RMND5B: variants seen among roughly 807,000 people sequenced by gnomAD.
RMND5B encodes the protein E3 ubiquitin-protein transferase RMND5B.
Under a neutral mutation model 50.4 loss-of-function variants are expected in RMND5B, and 42 were observed. The observed-to-expected ratio is 0.83, with a 90% CI of 0.65 to 1.08. RMND5B has a LOEUF of 1.08. RMND5B is among the 50% of genes least tolerant of loss of function. RMND5B has a pLI of 0.00. For missense variants in RMND5B, 463 were observed against 508.5 expected (o/e 0.91, Z 0.86); for synonymous variants, 220 against 210.0 (o/e 1.05, Z -0.41).
chr5:178,141,479 T>A (rs570210490), intron 3 of RMND5B: 1 of 152,108 alleles, frequency 6.6e-6, no homozygotes, highest in Non-Finnish European at 1.5e-5. Context: ...CACTCCAGCC[T>A]GGGTGACAGA....
At chr5:178,143,879 G>C in intron 6 of RMND5B, 63 bp from the exon 7 acceptor site, 1 of 1,583,936 alleles carries the variant, frequency 6.3e-7, no homozygotes, top group East Asian at 2.2e-5. Flanking sequence ...CCTCCTCTCA[G>C]GTGCTGGCTC....
At chr5:178,135,322 C>T in intron 2 of RMND5B, 1 of 198,260 alleles carries the variant, frequency 5.0e-6, no homozygotes, top group South Asian at 5.4e-5. Flanking sequence ...GGTAAATTTG[C>T]CGTGTTGCCC....
rs1024423975 is a variant in RMND5B, at chr5:178,148,216, G to A, written c.*184G>A. On this transcript the variant is annotated 3_prime_UTR_variant, in exon 11 of 11. Transcript: ENST00000313386. ...TGAGGAGGGAGATGGACCAGCCCAC[G>A]CCTGGCACCTGGCTCCATGGCATAA... 6.4e-6 allele frequency: 4 copies of A among 625,308 alleles called. No individual in the cohort carries two copies. Among genetic ancestry groups the A allele is most frequent in the Non-Finnish European group, 1.1e-5 (4 of 352,136 alleles). The allele number at this position is 625,308 out of a possible 1,614,324, so 38.7% of individuals were successfully genotyped here.
intron 2 of RMND5B, chr5:178,133,659 A>C (rs1455783340): frequency 6.6e-6 from 1 of 151,342 alleles, no homozygotes; most frequent in Non-Finnish European, 1.5e-5. Flanking sequence ...CACCCACCTC[A>C]GCCTCCCAAA....
Position 178,149,881 on chromosome 5 carries a change from A to G in RMND5B, c.*1849A>G. 1 of 1,607,486 alleles carries G rather than the reference A, an allele frequency of 6.2e-7. No individual in the cohort carries two copies. The highest frequency in any genetic ancestry group is 1.3e-5 in the African/African-American group (1 of 74,910). Reference sequence around the variant, plus strand: ...GTGCTGTTTGGAAAAAAGCTGTACAACCTGTATGCCAGGAAGTCACCAACT... The same window carrying G: ...GTGCTGTTTGGAAAAAAGCTGTACAGCCTGTATGCCAGGAAGTCACCAACT... On this transcript the variant is annotated 3_prime_UTR_variant, in exon 11 of 11. Transcript: ENST00000313386.
At chr5:178,140,287 C>T (rs1387949026) in intron 3 of RMND5B, among the ~76,000 whole-genome samples, 2 of 152,068 alleles carry the variant, frequency 1.3e-5, no homozygotes, top group Admixed American at 6.6e-5. Flanking sequence ...GATCCTACCA[C>T]CTCAGCCTCA....
chr5:178,141,787 C>G (rs1423526760), intron 3 of RMND5B: 1 of 152,122 alleles, frequency 6.6e-6, no homozygotes, highest in East Asian at 1.9e-4. Context: ...TCACCACTAT[C>G]TAATTTCAGA....
intron 2 of RMND5B, among the ~76,000 whole-genome samples, chr5:178,131,644 GTATTAGA>G (rs1758315142): frequency 6.6e-6 from 1 of 151,798 alleles, no homozygotes; most frequent in Non-Finnish European, 1.5e-5. Flanking sequence ...GGAGGGGTCA[GTATTAGA>G]TACTGTGGTC....
intron 7 of RMND5B, among the ~76,000 whole-genome samples, chr5:178,145,340 GCCGGGCGTGGTGGCGGGCAC>G (rs1175995930): frequency 6.6e-6 from 1 of 151,448 alleles, no homozygotes; most frequent in African/African-American, 2.4e-5. Context: ...TGAAAAATTA[GCCGGGCGTGGTGGCGGGCAC>G]CTGTAGTCCC....
chr5:178,139,398 G>A (rs1200475575), intron 3 of RMND5B, among the ~76,000 whole-genome samples: 3 of 151,854 alleles, frequency 2.0e-5, no homozygotes, highest in Non-Finnish European at 4.4e-5. Flanking sequence ...GTACAGGTGG[G>A]GTTTTGACAT....
In RMND5B at chr5:178,142,877, T is replaced by G. The variant is rs778508227; in HGVS notation, c.311T>G (p.Val104Gly). 5.1e-5 allele frequency: 83 copies of G among 1,614,202 alleles called. No individual in the cohort carries two copies. The highest frequency in any genetic ancestry group is 2.9e-4 in the East Asian group (13 of 44,886). ...AACTTCGACTCTGAGATCTGTGGTG[T>G]TGTGTCAGATGCGGTGTGGGACGCG... is the stretch of plus-strand genomic sequence containing the variant. ...DRNFDSEICG[V>G]VSDAVWDARE... Residue 104 changes from valine to glycine, a missense_variant, in exon 5 of 11, where the codon GTT becomes GGT. Val to Gly is a moderately radical substitution (Grantham distance 109, BLOSUM62 -3). Transcript: ENST00000313386.
At position 178,146,225 on chromosome 5, in the gene RMND5B, C is replaced by T. The variant is rs1406109620; in HGVS notation, c.806C>T (p.Thr269Ile). The change falls in exon 8 of 11, where the codon ACC (threonine) becomes ATC (isoleucine). Residue 269 changes from threonine to isoleucine, a missense_variant. Physicochemically the swap from Thr to Ile is moderately conservative, Grantham distance 89. Coordinates refer to ENST00000313386, the MANE Select transcript of RMND5B (RefSeq NM_022762.5). ...TGGGCAGAGATCTGTGAGACCTTTA[C>T]CCGGGACGCCTGTTCCCTGCTGGGG... ...SHWAEICETF[T>I]RDACSLLGLS... is the part of the protein sequence containing the mutation. 1 of 1,614,088 alleles carries T rather than the reference C, an allele frequency of 6.2e-7. No homozygotes were observed. Among genetic ancestry groups the T allele is most frequent in the African/African-American group, 1.3e-5 (1 of 74,950 alleles).
chr5:178,135,626 C>T (rs1404628178), intron 2 of RMND5B, among the ~76,000 whole-genome samples: 1 of 152,160 alleles, frequency 6.6e-6, no homozygotes, highest in African/African-American at 2.4e-5. Context: ...AGATTGTTTC[C>T]CACTCCTTGC....
At chr5:178,146,927 A>G (rs556714728) in intron 8 of RMND5B, 10 of 158,994 alleles carry the variant, frequency 6.3e-5, no homozygotes, top group Non-Finnish European at 1.3e-4. Context: ...TAGTGGACTG[A>G]TTCTACGCTC....
rs748645168 is a variant in RMND5B, at chr5:178,142,858, G to C, written c.292G>C (p.Asp98His). 2 of 1,614,172 alleles carry C rather than the reference G, an allele frequency of 1.2e-6. No individual in the cohort carries two copies. The highest frequency in any genetic ancestry group is 1.1e-5 in the South Asian group (1 of 91,060). Residue 98 changes from aspartate to histidine, a missense_variant, in exon 5 of 11, where the codon GAC (aspartate) becomes CAC (histidine). Transcript: ENST00000313386. ...RVGKAIDRNF[D>H]SEICGVVSDA... ...GTCTCTCCTCCTTCGTCAGAACTTC[G>C]ACTCTGAGATCTGTGGTGTTGTGTC...
In RMND5B at chr5:178,150,177, A is replaced by G; in HGVS notation, c.*2145A>G. ...ACAGCTACAGGTCCCTCTGAGCCTAAACCCACCTAACCGGACTAACATGGG... is the reference window on the plus strand; with the variant it reads ...ACAGCTACAGGTCCCTCTGAGCCTAGACCCACCTAACCGGACTAACATGGG... On this transcript the variant is annotated 3_prime_UTR_variant, in exon 11 of 11. Coordinates refer to ENST00000313386, the MANE Select transcript of RMND5B (RefSeq NM_022762.5). 1 of 247,286 alleles carries G rather than the reference A, an allele frequency of 4.0e-6. No individual in the cohort carries two copies. The highest frequency in any genetic ancestry group is 8.0e-6 in the Non-Finnish European group (1 of 125,310). The allele number at this position is 247,286 out of a possible 1,614,324, so 15.3% of individuals were successfully genotyped here. A position where few individuals can be genotyped will look rare whatever the true frequency, so the allele number is the denominator to read the frequency against.
At chr5:178,147,489 C>A in intron 8 of RMND5B, 44 bp from the exon 9 acceptor site, 1 of 1,545,044 alleles carries the variant, frequency 6.5e-7, no homozygotes, top group Non-Finnish European at 8.9e-7. Context: ...TTTTGCCTGT[C>A]TGCTGTGATC....
In RMND5B at chr5:178,142,747, C is replaced by T. The variant is rs11956603; in HGVS notation, c.285+19C>T. ...TGACAGGGTGAGCACGTGGCCGGCT[C>T]CAGGCGTGGGGTGGGAGCACCCTGA... is the stretch of plus-strand genomic sequence containing the variant. On this transcript the variant is annotated intron_variant, in intron 4 of 10. Coordinates refer to ENST00000313386, the MANE Select transcript of RMND5B (RefSeq NM_022762.5). 6.2e-7 allele frequency: 1 copy of T among 1,614,232 alleles called. No individual in the cohort carries two copies.
Position 178,142,621 on chromosome 5 carries a change from G to T in RMND5B, c.178G>T (p.Val60Leu), listed in dbSNP as rs1470149126. ...CCCTCTCTCAGCCACCCTCTCTCTG[G>T]TGATGTCACAGTGCTGCCGGAAGAT... The part of the protein sequence containing the change: ...GTPLSATLSL[V>L]MSQCCRKIKD... Residue 60 changes from valine to leucine, a missense_variant, in exon 4 of 11, where the codon GTG (valine) becomes TTG (leucine). Coordinates refer to ENST00000313386, the MANE Select transcript of RMND5B (RefSeq NM_022762.5). 1.2e-6 allele frequency: 2 copies of T among 1,613,968 alleles called. No homozygotes were observed. The highest frequency in any genetic ancestry group is 1.7e-6 in the Non-Finnish European group (2 of 1,179,968).
Sources: allele counts gnomAD v4.1 joint callset (sites outside exome capture counted in the v4.1 genomes callset), GRCh38; gene constraint gnomAD v4.1.1; transcripts MANE v1.5; gene names NCBI Gene and HGNC (gene_info 2026-07-23, HGNC 2026-07-21).